PRKAG2: variants seen among roughly 807,000 people sequenced by gnomAD.
PRKAG2 encodes the protein 5'-AMP-activated protein kinase subunit gamma-2.
A neutral mutation model predicts 69.6 loss-of-function variants in PRKAG2; 26 were observed. The ratio of observed to expected loss-of-function variants is 0.37; its 90% CI spans 0.27 to 0.52. The LOEUF (loss-of-function observed/expected upper bound fraction) is 0.52, where lower values mean the gene tolerates loss of function less well. Ranked by LOEUF, PRKAG2 falls within the 20% of genes least tolerant of loss-of-function variation. The pLI is 0.90. For synonymous variants in PRKAG2, 293 were observed against 285.0 expected (o/e 1.03, Z -0.28); for missense variants, 557 against 740.0 (o/e 0.75, Z 2.87).
chr7:151,629,005 C>A (rs553458672), intron 5 of PRKAG2, among the ~76,000 whole-genome samples: 55 of 152,162 alleles, frequency 3.6e-4, no homozygotes, highest in Non-Finnish European at 7.2e-4. Context: ...ACGTGCCACC[C>A]CCTAAGGCAC....
In PRKAG2 at chr7:151,874,020, A is replaced by G. The variant is rs1265845874; in HGVS notation, c.114+2487T>C. On this transcript the variant is annotated intron_variant, in intron 1 of 15. Coordinates refer to ENST00000287878, the MANE Select transcript of PRKAG2 (RefSeq NM_016203.4). ...ATGATGTATATGTATAAGTATATGT[A>G]TATGATGTATATGTATATGATGTAT... 3.1e-4 allele frequency among the ~76,000 whole-genome samples: 42 copies of G among 136,046 alleles called. No homozygotes were observed. The South Asian group carries it at 4.5e-3, about 14-fold the overall frequency. 89.3% of individuals were successfully genotyped at this position (136,046 alleles called of 152,430 possible).
chr7:151,862,366 T>A (rs917552293), intron 1 of PRKAG2, among the ~76,000 whole-genome samples: 2 of 152,228 alleles, frequency 1.3e-5, no homozygotes, highest in African/African-American at 4.8e-5. Context: ...ACATGATTTG[T>A]CTGAAAATGT....
At chr7:151,742,136 G>A (rs554150923) in intron 3 of PRKAG2, among the ~76,000 whole-genome samples, 1 of 152,104 alleles carries the variant, frequency 6.6e-6, no homozygotes, top group African/African-American at 2.4e-5. Flanking sequence ...ATGTGGACCC[G>A]ATTCCCAAAT....
chr7:151,834,838 C>T (rs1336608704), intron 1 of PRKAG2, among the ~76,000 whole-genome samples: 1 of 152,200 alleles, frequency 6.6e-6, no homozygotes, highest in African/African-American at 2.4e-5. Context: ...CCCGGAAGTC[C>T]GAGATCAAGG....
At chr7:151,605,915 C>G (rs6976811) in intron 5 of PRKAG2, among the ~76,000 whole-genome samples, 1 of 137,460 alleles carries the variant, frequency 7.3e-6, no homozygotes, top group African/African-American at 2.8e-5. Context: ...TCCAGCCTGG[C>G]GACAGAGCGA....
Position 151,736,627 on chromosome 7 carries a change from C to T in PRKAG2, c.466+44525G>A, listed in dbSNP as rs761768325. Among the ~76,000 whole-genome samples, 28 of 152,324 alleles carry T rather than the reference C, an allele frequency of 1.8e-4. 1 individual carries two copies. Among genetic ancestry groups the T allele is most frequent in the Middle Eastern group, 3.4e-3 (1 of 294 alleles). On this transcript the variant is annotated intron_variant, in intron 3 of 15. Coordinates refer to ENST00000287878, the MANE Select transcript of PRKAG2 (RefSeq NM_016203.4). ...TCCAGGGCCCCACGGGGTCAGAAGGCTCCGGCTGCTGCCGGGTGGAGAAGC... is the reference window on the plus strand; with the variant it reads ...TCCAGGGCCCCACGGGGTCAGAAGGTTCCGGCTGCTGCCGGGTGGAGAAGC...
chr7:151,739,079 G>C (rs1043205212), intron 3 of PRKAG2, among the ~76,000 whole-genome samples: 2 of 152,196 alleles, frequency 1.3e-5, no homozygotes, highest in Non-Finnish European at 2.9e-5. Flanking sequence ...AGCTGGTCTC[G>C]GTAGCCTCCA....
chr7:151,633,492 A>G (rs1825181183), intron 4 of PRKAG2, among the ~76,000 whole-genome samples: 1 of 151,616 alleles, frequency 6.6e-6, no homozygotes, highest in African/African-American at 2.4e-5. Context: ...TGTTATCTAC[A>G]TACAAAATAT....
Position 151,814,641 on chromosome 7 carries a change from T to C in PRKAG2, c.115-28100A>G, listed in dbSNP as rs1033162757. The C allele has an allele frequency of 3.2e-6, 4 of 1,231,702 alleles. No individual in the cohort carries two copies. In the African/African-American group the frequency reaches 4.7e-5, roughly 14 times the overall value. The allele number at this position is 1,231,702 out of a possible 1,614,324, so 76.3% of individuals were successfully genotyped here. ...TGTGCTCCGAGCTGCTGCCACTGCA[T>C]GTCTGCAACAGATGGGGACCGGGGC... On this transcript the variant is annotated intron_variant, in intron 1 of 15. Coordinates refer to ENST00000287878, the MANE Select transcript of PRKAG2 (RefSeq NM_016203.4). The surrounding 1 kb of genome is among the most constrained non-coding windows in gnomAD (Gnocchi z 4.8).
intron 3 of PRKAG2, among the ~76,000 whole-genome samples, chr7:151,725,491 C>T (rs899195526): frequency 1.3e-5 from 2 of 151,084 alleles, no homozygotes; most frequent in Admixed American, 6.6e-5. Flanking sequence ...GTACTTAATG[C>T]TACTGAGCTG....
At chr7:151,752,257 T>C (rs2074743475) in intron 3 of PRKAG2, among the ~76,000 whole-genome samples, 1 of 152,218 alleles carries the variant, frequency 6.6e-6, no homozygotes, top group Non-Finnish European at 1.5e-5. Flanking sequence ...TGAGGGAACA[T>C]GGATGGAGCT....
intron 3 of PRKAG2, among the ~76,000 whole-genome samples, chr7:151,697,717 A>AGG (rs1288091636): frequency 6.6e-6 from 1 of 152,008 alleles, no homozygotes; most frequent in Non-Finnish European, 1.5e-5. Context: ...GGGTGCAGGG[A>AGG]GGGGGTGTGG....
At chr7:151,676,389 G>A (rs1240104998) in intron 3 of PRKAG2, among the ~76,000 whole-genome samples, 1 of 152,156 alleles carries the variant, frequency 6.6e-6, no homozygotes, top group Non-Finnish European at 1.5e-5. Context: ...AGACTTCAGG[G>A]AAAGGGTGGG....
chr7:151,810,262 T>C (rs2078348402), intron 1 of PRKAG2: 1 of 152,200 alleles, frequency 6.6e-6, no homozygotes, highest in Non-Finnish European at 1.5e-5. Context: ...CCAACGCAGC[T>C]TGCAAAGCAA....
At chr7:151,789,474 G>A (rs1220829667) in intron 1 of PRKAG2, among the ~76,000 whole-genome samples, 4 of 152,132 alleles carry the variant, frequency 2.6e-5, no homozygotes, top group Non-Finnish European at 5.9e-5. Context: ...TGTCCAAATT[G>A]TTCAGCCTTC....
chr7:151,569,778 C>T (rs894540039), intron 10 of PRKAG2, among the ~76,000 whole-genome samples: 4 of 152,154 alleles, frequency 2.6e-5, no homozygotes, highest in Non-Finnish European at 1.5e-5. Context: ...TCTGAACCGA[C>T]ATCTAACACA....
At chr7:151,806,697 G>C in intron 1 of PRKAG2, 1 of 237,206 alleles carries the variant, frequency 4.2e-6, no homozygotes. Context: ...GCTGGGTACA[G>C]TGGCTCACAC....
intron 3 of PRKAG2, among the ~76,000 whole-genome samples, chr7:151,703,103 C>T (rs1459261879): frequency 6.6e-6 from 1 of 152,198 alleles, no homozygotes; most frequent in Non-Finnish European, 1.5e-5. Context: ...CTCTGCCAGC[C>T]CTTCAGCCTC....
intron 1 of PRKAG2, among the ~76,000 whole-genome samples, chr7:151,801,552 T>C (rs990599522): frequency 6.6e-6 from 1 of 152,202 alleles, no homozygotes; most frequent in African/African-American, 2.4e-5. Flanking sequence ...AGCTGGTTCA[T>C]CGGGGAGACT....
Sources: gnomAD v4.1 joint callset for allele counts (sites outside exome capture counted in the v4.1 genomes callset) on GRCh38, gnomAD v4.1.1 for gene constraint, Gnocchi (gnomAD v3.1) non-coding constraint, MANE v1.5 for transcripts, NCBI Gene and HGNC (gene_info 2026-07-23, HGNC 2026-07-21) for gene names.